Variants in IFT74 observed in about 807,000 individuals in gnomAD.
IFT74 encodes intraflagellar transport 74.
IFT74 carries 92 observed loss-of-function variants against 96.7 expected under a neutral mutation model. The observed-to-expected ratio is 0.95, with a 90% CI of 0.80 to 1.13. The LOEUF (loss-of-function observed/expected upper bound fraction) is 1.13. Ranked by LOEUF, IFT74 falls within the 50% of genes most tolerant of loss-of-function variation. The probability of loss-of-function intolerance (pLI) is 0.00; values close to 1 mark genes in which losing one functional copy is unlikely to be tolerated. For synonymous variants in IFT74, 223 were observed against 213.2 expected (o/e 1.05, Z -0.40); for missense variants, 811 against 698.2 (o/e 1.16, Z -1.82).
At chr9:26,949,306 C>T (rs549304847) in intron 1 of IFT74, among the ~76,000 whole-genome samples, 1 of 152,276 alleles carries the variant, frequency 6.6e-6, no homozygotes, top group Non-Finnish European at 1.5e-5. Flanking sequence ...GAAGAATTTG[C>T]CTTGTTTAAA....
intron 8 of IFT74, among the ~76,000 whole-genome samples, chr9:26,992,281 A>G (rs896547699): frequency 6.6e-6 from 1 of 152,230 alleles, no homozygotes; most frequent in Non-Finnish European, 1.5e-5. Flanking sequence ...GAAAATCTTC[A>G]AATATGGTAA....
At chr9:26,959,810 G>A (rs1826274452) in intron 1 of IFT74, among the ~76,000 whole-genome samples, 1 of 152,144 alleles carries the variant, frequency 6.6e-6, no homozygotes, top group Admixed American at 6.5e-5. Context: ...AAGTAGAGAA[G>A]TATCTTAACA....
At chr9:27,056,536 A>C (rs1220328979) in intron 18 of IFT74, 77 bp downstream of exon 18, 10 of 1,360,564 alleles carry the variant, frequency 7.3e-6, no homozygotes, top group Middle Eastern at 2.0e-4. Context: ...TTTTATTTTA[A>C]AATTTGCTTT....
chr9:26,947,274 A>G (rs902141043), intron 1 of IFT74: 31 of 541,156 alleles, frequency 5.7e-5, no homozygotes, highest in Non-Finnish European at 6.4e-5. Flanking sequence ...CATCGGCCTC[A>G]GCCCTCCATG....
At chr9:27,007,669 T>C (rs1035071129) in intron 8 of IFT74, among the ~76,000 whole-genome samples, 8 of 152,148 alleles carry the variant, frequency 5.3e-5, no homozygotes, top group Non-Finnish European at 1.0e-4. Context: ...TTTATTCTAG[T>C]AGTAGGATAT....
intron 8 of IFT74, among the ~76,000 whole-genome samples, chr9:27,006,696 G>A (rs893344214): frequency 6.6e-6 from 1 of 150,546 alleles, no homozygotes; most frequent in Non-Finnish European, 1.5e-5. Context: ...GAAGGAGGCA[G>A]GGAGGGAGGA....
At chr9:27,059,951 A>C (rs1473739273) in intron 18 of IFT74, among the ~76,000 whole-genome samples, 1 of 152,226 alleles carries the variant, frequency 6.6e-6, no homozygotes, top group African/African-American at 2.4e-5. Context: ...CCATAACCAG[A>C]GTTACAAGGT....
Position 27,011,968 on chromosome 9 carries a change from A to G in IFT74, c.789A>G (p.Ala263=). 1.3e-6 allele frequency: 2 copies of G among 1,580,724 alleles called. No individual in the cohort carries two copies. The highest frequency in any genetic ancestry group is 1.7e-6 in the Non-Finnish European group (2 of 1,162,432). ...ACATGAAAAAAGAGAGCCTGGAAGC[A>G]GTAAGTATAAAATCAAATAAGGGTT... ...SQNMKKESLE[A]EIAHSQVKQE... Residue 263 remains alanine, a splice_region_variant and synonymous_variant, in exon 10 of 20, where the codon GCA becomes GCG. Transcript: ENST00000380062.
upstream of IFT74, chr9:26,956,100 TAAC>T (rs564381421): frequency 1.2e-3 from 182 of 152,330 alleles, no homozygotes; most frequent in African/African-American, 3.9e-3. Context: ...TGTAACCTGT[TAAC>T]AACGTTAGCC....
chr9:27,013,419 TA>T (rs1829203581), intron 10 of IFT74, among the ~76,000 whole-genome samples: 1 of 152,232 alleles, frequency 6.6e-6, no homozygotes, highest in Non-Finnish European at 1.5e-5. Flanking sequence ...AGTTATATCA[TA>T]AGATTGAATT....
At position 27,064,496 on chromosome 9, in the gene IFT74, G is replaced by T. The variant is rs1564014132; in HGVS notation, c.*1760G>T. On this transcript the variant is annotated 3_prime_UTR_variant, in exon 20 of 20. Transcript: ENST00000380062. ...ATTCATAAAGTATTACTGTAATTTGGTGATTAGGAGCCTTTATGGATATAC... is the reference window on the plus strand; with the variant it reads ...ATTCATAAAGTATTACTGTAATTTGTTGATTAGGAGCCTTTATGGATATAC... 6.6e-6 allele frequency among the ~76,000 whole-genome samples: 1 copy of T among 152,018 alleles called. No homozygotes were observed. The highest frequency in any genetic ancestry group is 1.5e-5 in the Non-Finnish European group (1 of 67,956).
intron 18 of IFT74, among the ~76,000 whole-genome samples, chr9:27,057,749 T>C (rs1429881485): frequency 6.6e-6 from 1 of 151,962 alleles, no homozygotes; most frequent in Non-Finnish European, 1.5e-5. Context: ...TCCCAGCTAC[T>C]CGGGAGGCTG....
At chr9:26,949,570 CCTGTGTAATTGCCTG>C (rs1825869805) in intron 1 of IFT74, among the ~76,000 whole-genome samples, 1 of 151,976 alleles carries the variant, frequency 6.6e-6, no homozygotes, top group South Asian at 2.1e-4. Flanking sequence ...TTCACATTTC[CCTGTGTAATTGCCTG>C]CTGCCTTCCA....
intron 7 of IFT74, among the ~76,000 whole-genome samples, 199 bp from the exon 8 acceptor site, chr9:26,989,935 T>G (rs1008528275): frequency 3.3e-5 from 5 of 152,192 alleles, no homozygotes; most frequent in Admixed American, 2.0e-4. Context: ...AAGATTACAA[T>G]GCTTCTTAAA....
intron 18 of IFT74, among the ~76,000 whole-genome samples, chr9:27,058,748 C>T (rs949261688): frequency 3.9e-5 from 6 of 152,202 alleles, no homozygotes; most frequent in African/African-American, 1.4e-4. Flanking sequence ...TTGAAAACAA[C>T]ATACACCTTA....
chr9:27,018,462 A>C (rs1829454483), intron 11 of IFT74, among the ~76,000 whole-genome samples, 185 bp from the exon 12 acceptor site: 1 of 152,210 alleles, frequency 6.6e-6, no homozygotes, highest in Non-Finnish European at 1.5e-5. Context: ...AAAGGATGGA[A>C]TCTGTGAATG....
chr9:26,963,228 G>T (rs937176852), intron 2 of IFT74, among the ~76,000 whole-genome samples: 3 of 151,442 alleles, frequency 2.0e-5, no homozygotes, highest in African/African-American at 4.9e-5. Flanking sequence ...TTGTTCTTGC[G>T]GTAGTTTACT....
At chr9:27,027,193 C>T (rs771141989) in intron 12 of IFT74, among the ~76,000 whole-genome samples, 6 of 152,048 alleles carry the variant, frequency 3.9e-5, no homozygotes, top group Non-Finnish European at 7.4e-5. Context: ...AGCACCTTTA[C>T]ACGCACAAAC....
At chr9:27,024,211 G>A (rs1157243342) in intron 12 of IFT74, among the ~76,000 whole-genome samples, 1 of 152,152 alleles carries the variant, frequency 6.6e-6, no homozygotes, top group African/African-American at 2.4e-5. Flanking sequence ...CAGCATTCAA[G>A]AAAACCAGTG....
Sources: allele counts gnomAD v4.1 joint callset (sites outside exome capture counted in the v4.1 genomes callset), GRCh38; gene constraint gnomAD v4.1.1; transcripts MANE v1.5; gene names NCBI Gene and HGNC (gene_info 2026-07-23, HGNC 2026-07-21).